CACNA2D3: variants seen among roughly 807,000 people sequenced by gnomAD.
The protein encoded by CACNA2D3 is calcium voltage-gated channel auxiliary subunit alpha2delta 3.
In CACNA2D3, 60 loss-of-function variants were observed where a neutral mutation model predicts 160.6. The ratio of observed to expected loss-of-function variants is 0.37; its 90% CI spans 0.30 to 0.46. The LOEUF (loss-of-function observed/expected upper bound fraction) is 0.46, where lower values mean the gene tolerates loss of function less well. CACNA2D3 is among the 20% of genes least tolerant of loss of function. The pLI, the probability that CACNA2D3 is intolerant of heterozygous loss-of-function variation, is 1.00. For missense variants in CACNA2D3, 1,205 were observed against 1,365.0 expected (o/e 0.88, Z 1.85); for synonymous variants, 558 against 492.9 (o/e 1.13, Z -1.75).
At chr3:54,405,133 A>G (rs1699550585) in intron 4 of CACNA2D3, among the ~76,000 whole-genome samples, 1 of 151,906 alleles carries the variant, frequency 6.6e-6, no homozygotes, top group Non-Finnish European at 1.5e-5. Flanking sequence ...ACTGTACTAT[A>G]CTATACTAAA....
chr3:54,241,682 C>T (rs1366905269), intron 2 of CACNA2D3, among the ~76,000 whole-genome samples: 2 of 152,056 alleles, frequency 1.3e-5, no homozygotes, highest in African/African-American at 4.8e-5. Flanking sequence ...GCCAGACTGG[C>T]AATATCAGGG....
intron 2 of CACNA2D3, among the ~76,000 whole-genome samples, chr3:54,296,562 A>G (rs930724282): frequency 8.5e-5 from 13 of 152,162 alleles, no homozygotes; most frequent in Non-Finnish European, 1.3e-4. Context: ...GCTTTTATTC[A>G]CTGTGTTTTC....
At chr3:54,317,611 C>G (rs540315061) in intron 2 of CACNA2D3, among the ~76,000 whole-genome samples, 1 of 152,080 alleles carries the variant, frequency 6.6e-6, no homozygotes, top group Non-Finnish European at 1.5e-5. Flanking sequence ...GATCGCGGCT[C>G]ACTGCAATAT....
At chr3:54,871,212 CACACACACACA>C (rs751518707) in intron 17 of CACNA2D3, among the ~76,000 whole-genome samples, 2,149 of 116,512 alleles carry the variant, frequency 0.018, 37 homozygotes, top group Middle Eastern at 0.029. Context: ...CACACACACA[CACACACACACA>C]CCCCCCATTC....
chr3:54,613,033 G>A (rs1281036040), intron 9 of CACNA2D3, among the ~76,000 whole-genome samples: 1 of 152,188 alleles, frequency 6.6e-6, no homozygotes, highest in Non-Finnish European at 1.5e-5. Flanking sequence ...ACATTCACAG[G>A]TGGATACAAA....
Position 54,801,421 on chromosome 3 carries a change from C to G in CACNA2D3, c.1381-15432C>G, listed in dbSNP as rs149931250. Reference sequence around the variant, plus strand: ...TATTTGGACTGAAATGTGCAATACCCTTTAACCAGTAATTCACCTTCTTGA... The same window carrying G: ...TATTTGGACTGAAATGTGCAATACCGTTTAACCAGTAATTCACCTTCTTGA... On this transcript the variant is annotated intron_variant, in intron 13 of 37. Transcript: ENST00000474759. Among the ~76,000 whole-genome samples, 357 of 152,246 alleles carry G rather than the reference C, an allele frequency of 2.3e-3. 1 individual carries two copies. Among genetic ancestry groups the G allele is most frequent in the African/African-American group, 8.2e-3 (340 of 41,546 alleles).
At chr3:54,337,671 G>A (rs1704415949) in intron 3 of CACNA2D3, among the ~76,000 whole-genome samples, 1 of 152,058 alleles carries the variant, frequency 6.6e-6, no homozygotes, top group Non-Finnish European at 1.5e-5. Context: ...AAAGTTCCAT[G>A]TCTTTTCGCT....
intron 1 of CACNA2D3, among the ~76,000 whole-genome samples, chr3:54,123,304 C>T (rs1699514412): frequency 7.6e-6 from 1 of 131,500 alleles, no homozygotes; most frequent in Non-Finnish European, 1.7e-5. Context: ...CTTAACTCCG[C>T]GACCCCCCTC....
rs114212592 is a variant in CACNA2D3 at position 54,246,225 on chromosome 3, C to A, written c.205-74217C>A. Among the ~76,000 whole-genome samples, 1,048 of 152,266 alleles carry A rather than the reference C, an allele frequency of 6.9e-3. 14 individuals are homozygous for A. Among genetic ancestry groups the A allele is most frequent in the African/African-American group, 0.024 (988 of 41,550 alleles). On this transcript the variant is annotated intron_variant, in intron 2 of 37. Coordinates refer to ENST00000474759, the MANE Select transcript of CACNA2D3 (RefSeq NM_018398.3). ...GTGTCCTTTATACTTGAAATTAATT[C>A]AAAAATCCATGGCTTATATTTTCTT...
At chr3:54,974,596 A>G (rs1702342701) in intron 29 of CACNA2D3, among the ~76,000 whole-genome samples, 1 of 152,068 alleles carries the variant, frequency 6.6e-6, no homozygotes, top group South Asian at 2.1e-4. Context: ...TACCTGATCC[A>G]CCTCTGTGAC....
intron 13 of CACNA2D3, among the ~76,000 whole-genome samples, chr3:54,787,994 T>G (rs1559581904): frequency 6.6e-6 from 1 of 152,226 alleles, no homozygotes; most frequent in Non-Finnish European, 1.5e-5. Context: ...TCACTGTTTA[T>G]AGTCTTCCAC....
chr3:54,169,649 G>A (rs966085640), intron 2 of CACNA2D3, among the ~76,000 whole-genome samples: 78 of 151,052 alleles, frequency 5.2e-4, no homozygotes, highest in African/African-American at 1.8e-3. Flanking sequence ...GTATGCAAAC[G>A]TGCATGTGTG....
At chr3:54,336,033 A>C (rs997809178) in intron 3 of CACNA2D3, among the ~76,000 whole-genome samples, 30 of 132,938 alleles carry the variant, frequency 2.3e-4, no homozygotes, top group Non-Finnish European at 3.7e-4. Context: ...AAAAAGATGG[A>C]GTTTTTCTGG....
chr3:54,583,502 A>G (rs1000158798), intron 9 of CACNA2D3, among the ~76,000 whole-genome samples: 7 of 152,208 alleles, frequency 4.6e-5, no homozygotes, highest in African/African-American at 1.7e-4. Flanking sequence ...GCAACAAACA[A>G]GTATAGGTTG....
chr3:54,736,057 G>GTATATATACATACATATATA, intron 11 of CACNA2D3, among the ~76,000 whole-genome samples: 1 of 42,842 alleles, frequency 2.3e-5, no homozygotes, highest in Non-Finnish European at 4.6e-5. Context: ...ACATACATAT[G>GTATATATACATACATATATA]TATGTATATA....
chr3:54,205,068 C>T (rs1272399998), intron 2 of CACNA2D3, among the ~76,000 whole-genome samples: 4 of 151,988 alleles, frequency 2.6e-5, no homozygotes, highest in Non-Finnish European at 2.9e-5. Context: ...ATAATGAAGA[C>T]ATGGAGTTAG....
At chr3:54,364,814 C>G (rs1455273774) in intron 3 of CACNA2D3, among the ~76,000 whole-genome samples, 1 of 152,196 alleles carries the variant, frequency 6.6e-6, no homozygotes, top group Non-Finnish European at 1.5e-5. Context: ...TGAAAAGTAG[C>G]ATTTTTGACA....
intron 27 of CACNA2D3, among the ~76,000 whole-genome samples, chr3:54,940,699 GAA>G (rs1418389638): frequency 6.6e-6 from 1 of 152,200 alleles, no homozygotes; most frequent in African/African-American, 2.4e-5. Flanking sequence ...GCTGTTGTAT[GAA>G]AAGTCTTTGT....
chr3:54,690,155 G>C (rs1249913984), intron 11 of CACNA2D3, among the ~76,000 whole-genome samples: 1 of 151,926 alleles, frequency 6.6e-6, no homozygotes, highest in East Asian at 1.9e-4. Flanking sequence ...CTACCATGAT[G>C]ACCCACCACG....
Sources: allele counts gnomAD v4.1 joint callset (sites outside exome capture counted in the v4.1 genomes callset), GRCh38; gene constraint gnomAD v4.1.1; transcripts MANE v1.5; gene names NCBI Gene and HGNC (gene_info 2026-07-23, HGNC 2026-07-21).